The following MAPK8IP1 variants were observed in gnomAD, a reference collection of about 807,000 sequenced individuals.
The protein encoded by MAPK8IP1 is mitogen-activated protein kinase 8 interacting protein 1, also known as C-Jun-amino-terminal kinase-interacting protein 1.
Under a neutral mutation model 72.6 loss-of-function variants are expected in MAPK8IP1, and 17 were observed. The ratio of observed to expected loss-of-function variants is 0.23; its 90% CI spans 0.16 to 0.35. MAPK8IP1 has a LOEUF of 0.35. Ranked by LOEUF, MAPK8IP1 falls within the 10% of genes least tolerant of loss-of-function variation. The pLI is 1.00. For missense variants in MAPK8IP1, 789 were observed against 1,009.7 expected (o/e 0.78, Z 2.96); for synonymous variants, 401 against 443.4 (o/e 0.90, Z 1.20).
intron 1 of MAPK8IP1, among the ~76,000 whole-genome samples, chr11:45,886,178 G>C (rs1376639661): frequency 6.6e-6 from 1 of 152,242 alleles, no homozygotes; most frequent in Non-Finnish European, 1.5e-5. Flanking sequence ...GCTGGAATTG[G>C]AGGAGGGGGC....
intron 3 of MAPK8IP1, among the ~76,000 whole-genome samples, chr11:45,901,736 C>T (rs151231431): frequency 2.5e-4 from 38 of 152,316 alleles, no homozygotes; most frequent in African/African-American, 8.9e-4. Flanking sequence ...AAGAGCATCT[C>T]CCTGAGGGTT....
chr11:45,904,820 T>C lies in MAPK8IP1; in HGVS notation c.1879T>C (p.Ser627Pro). 6.2e-7 allele frequency: 1 copy of C among 1,613,926 alleles called. No individual in the cohort carries two copies. The highest frequency in any genetic ancestry group is 2.2e-5 in the East Asian group (1 of 44,880). The change falls in exon 9 of 12, where the codon TCC (serine) becomes CCC (proline). Residue 627 changes from serine to proline, a missense_variant. By Grantham distance (74) the Ser-to-Pro change is moderately conservative. Around this residue, in one of 4 missense-constraint regions of MAPK8IP1, gnomAD observed 188 missense variants for 293.3 expected, o/e 0.64. Coordinates refer to ENST00000241014, the MANE Select transcript of MAPK8IP1 (RefSeq NM_005456.4). The surrounding 1 kb of genome is among the most constrained non-coding windows in gnomAD (Gnocchi z 6.4). Reference sequence around the variant, plus strand: ...GAAGATAGGCGTCAAGGCCGATGACTCCCAGGAGGCCAAGGTGACTTCTTC... The same window carrying C: ...GAAGATAGGCGTCAAGGCCGATGACCCCCAGGAGGCCAAGGTGACTTCTTC... ...GVKIGVKADDSQEAKGNKCSH... is the reference protein window; with the variant it reads ...GVKIGVKADDPQEAKGNKCSH...
intron 11 of MAPK8IP1, 24 bp from the exon 12 acceptor site, chr11:45,905,625 A>G: frequency 6.2e-7 from 1 of 1,608,576 alleles, no homozygotes; most frequent in East Asian, 2.2e-5. Flanking sequence ...GATCTGAGCC[A>G]TCTGTGTGTC....
At position 45,900,108 on chromosome 11, in the gene MAPK8IP1, C is replaced by T. The variant is rs2086638485; in HGVS notation, c.208-30C>T. On this transcript the variant is annotated intron_variant, in intron 2 of 11. Transcript: ENST00000241014. This position sits in a 1 kb window ranked among gnomAD's most constrained non-coding sequence, Gnocchi z 6.5. ...CGGCCTCGGCCCCGCCCCGGCCCCG[C>T]CCCCTGACGCCCCTCCGTGCGCTGT... 3.4e-6 allele frequency: 4 copies of T among 1,192,402 alleles called. No individual in the cohort carries two copies. The highest frequency in any genetic ancestry group is 3.1e-6 in the Non-Finnish European group (3 of 961,998). 73.9% of individuals were successfully genotyped at this position (1,192,402 alleles called of 1,614,324 possible).
At chr11:45,905,409 C>T (rs963994087) in intron 11 of MAPK8IP1, among the ~76,000 whole-genome samples, 160 bp downstream of exon 11, 10 of 152,194 alleles carry the variant, frequency 6.6e-5, no homozygotes, top group African/African-American at 2.2e-4. Context: ...GAGGGTGGCG[C>T]GGCAGGGTGA....
chr11:45,896,675 G>C, intron 1 of MAPK8IP1: 2 of 1,406,090 alleles, frequency 1.4e-6, no homozygotes, highest in Non-Finnish European at 1.8e-6. Flanking sequence ...TGGGACCCGG[G>C]TCGGCAGCTG....
Position 45,902,499 on chromosome 11 carries a change from G to A in MAPK8IP1, c.732G>A (p.Gln244=), listed in dbSNP as rs150381568. 48 of 1,608,392 alleles carry A rather than the reference G, an allele frequency of 3.0e-5. No individual in the cohort carries two copies. The highest frequency in any genetic ancestry group is 3.9e-5 in the Non-Finnish European group (46 of 1,178,122). Residue 244 remains glutamine (Q), a synonymous_variant, in exon 5 of 12, where the codon CAG becomes CAA. Coordinates refer to ENST00000241014, the MANE Select transcript of MAPK8IP1 (RefSeq NM_005456.4). This position sits in a 1 kb window ranked among gnomAD's most constrained non-coding sequence, Gnocchi z 9.3. ...DSPCRRSTAT[Q]MAPPGGPPAA... ...CTTGCCGCCGCAGCACAGCCACCCA[G>A]ATGGCACCTCCGGGTGGTCCCCCTG...
intron 1 of MAPK8IP1, among the ~76,000 whole-genome samples, chr11:45,887,978 C>A (rs1424466631): frequency 1.3e-5 from 2 of 152,214 alleles, no homozygotes; most frequent in African/African-American, 4.8e-5. Context: ...ATCCAACTGG[C>A]CTGGGTTTGA....
chr11:45,897,784 A>T (rs746253595), intron 1 of MAPK8IP1, among the ~76,000 whole-genome samples: 1 of 152,216 alleles, frequency 6.6e-6, no homozygotes, highest in Non-Finnish European at 1.5e-5. Flanking sequence ...GGCTCTGACC[A>T]GTTGGGCCTT....
In MAPK8IP1 at chr11:45,902,722, C is replaced by A. The variant is rs755096743; in HGVS notation, c.955C>A (p.Pro319Thr). 6.2e-6 allele frequency: 10 copies of A among 1,608,108 alleles called. No individual in the cohort carries two copies. Among genetic ancestry groups the A allele is most frequent in the Non-Finnish European group, 8.5e-6 (10 of 1,179,522 alleles). The change falls in exon 5 of 12, where the codon CCC becomes ACC. Residue 319 changes from proline (P) to threonine (T), a missense_variant. Physicochemically the swap from Pro to Thr is conservative, Grantham distance 38 (BLOSUM62 -1). Around this residue, in one of 4 missense-constraint regions of MAPK8IP1, gnomAD observed 377 missense variants for 411.7 expected, o/e 0.92. Transcript: ENST00000241014. The surrounding 1 kb of genome is among the most constrained non-coding windows in gnomAD (Gnocchi z 9.3). ...VSSDPDPAAY[P>T]STAGRPHPSI... ...CTCCGATCCAGACCCTGCCGCCTACCCCTCCACGGCAGGGCGGCCGCACCC... is the reference window on the plus strand; with the variant it reads ...CTCCGATCCAGACCCTGCCGCCTACACCTCCACGGCAGGGCGGCCGCACCC...
At chr11:45,905,393 T>A in intron 11 of MAPK8IP1, 144 bp downstream of exon 11, 1 of 866,898 alleles carries the variant, frequency 1.2e-6, no homozygotes, top group Non-Finnish European at 1.9e-6. Context: ...GCGGGTGGCC[T>A]GGAGGGAGGG....
At chr11:45,897,072 G>C in intron 1 of MAPK8IP1, 1 of 1,029,498 alleles carries the variant, frequency 9.7e-7, no homozygotes, top group East Asian at 2.6e-5. Flanking sequence ...TTCCCCTGGG[G>C]GCTAAGCCAC....
At chr11:45,905,592 C>A in intron 11 of MAPK8IP1, 57 bp from the exon 12 acceptor site, 2 of 1,494,278 alleles carry the variant, frequency 1.3e-6, no homozygotes, top group South Asian at 2.3e-5. Flanking sequence ...GGGTCGGGAT[C>A]CTGTTCCTCC....
chr11:45,900,489 C>A lies in MAPK8IP1; in HGVS notation c.522+37C>A, dbSNP rs2086643687. The A allele has an allele frequency of 5.2e-6, 8 of 1,529,206 alleles. No individual in the cohort carries two copies. The highest frequency in any genetic ancestry group is 5.2e-6 in the Non-Finnish European group (6 of 1,144,016). The allele number at this position is 1,529,206 out of a possible 1,614,324, so 94.7% of individuals were successfully genotyped here. A position where few individuals can be genotyped will look rare whatever the true frequency, so the allele number is the denominator to read the frequency against. On this transcript the variant is annotated intron_variant, in intron 3 of 11. Coordinates refer to ENST00000241014, the MANE Select transcript of MAPK8IP1 (RefSeq NM_005456.4). This position sits in a 1 kb window ranked among gnomAD's most constrained non-coding sequence, Gnocchi z 6.5. ...ACGTGGGGGGCGGCGCCCTGGGCCGCCGCGGAGATGTGAGGGGGAGCGCAG... is the reference window on the plus strand; with the variant it reads ...ACGTGGGGGGCGGCGCCCTGGGCCGACGCGGAGATGTGAGGGGGAGCGCAG...
Position 45,905,120 on chromosome 11 carries a change from C to T in MAPK8IP1, c.1965-31C>T, listed in dbSNP as rs111382432. ...GGTGGGTGGGTGTGGGCCGAGCCCC[C>T]GTCCCAGCACAGACAGACCTGTCCC... On this transcript the variant is annotated intron_variant, in intron 10 of 11. Transcript: ENST00000241014. 5.4e-3 allele frequency: 8,677 copies of T among 1,611,324 alleles called. 285 individuals are homozygous for T. The African/African-American group carries it at 0.083, about 15-fold the overall frequency.
intron 1 of MAPK8IP1, chr11:45,896,422 A>C: frequency 1.5e-6 from 1 of 673,948 alleles, no homozygotes; most frequent in East Asian, 1.2e-4. Flanking sequence ...TTTAAAGCCA[A>C]CCAAGGGCTG....
In MAPK8IP1 at chr11:45,900,639, G is replaced by T. The variant is rs569253087; in HGVS notation, c.522+187G>T. 2.4e-4 allele frequency among the ~76,000 whole-genome samples: 36 copies of T among 152,356 alleles called. No individual in the cohort carries two copies. The highest frequency in any genetic ancestry group is 1.4e-3 in the East Asian group (7 of 5,184). ...GCGGGCAGAACCATCCTTACGAAGA[G>T]GGGGCTGAGTCCAGCTGGCCGGGCT... On this transcript the variant is annotated intron_variant, in intron 3 of 11. Transcript: ENST00000241014. The surrounding 1 kb of genome is among the most constrained non-coding windows in gnomAD (Gnocchi z 6.5).
In MAPK8IP1 at chr11:45,885,885, T is replaced by C; in HGVS notation, c.65T>C (p.Phe22Ser). 6.8e-7 allele frequency: 1 copy of C among 1,466,634 alleles called. No homozygotes were observed. Among genetic ancestry groups the C allele is most frequent in the Non-Finnish European group, 9.0e-7 (1 of 1,105,934 alleles). The allele number at this position is 1,466,634 out of a possible 1,614,324, so 90.9% of individuals were successfully genotyped here. Residue 22 changes from phenylalanine (F) to serine (S), a missense_variant, in exon 1 of 12, where the codon TTC becomes TCC. By Grantham distance (155) the Phe-to-Ser change is radical. Around this residue, in one of 4 missense-constraint regions of MAPK8IP1, gnomAD observed 112 missense variants for 111.8 expected, o/e 1.00. Transcript: ENST00000241014. ...GCGTCCCCGCCCGCCGCCTCCCCGT[T>C]CCTGGGGCTGCACATCGCTTCGCCT... is the stretch of plus-strand genomic sequence containing the variant. ...GAASPPAASPFLGLHIASPPN... is the reference protein window; with the variant it reads ...GAASPPAASPSLGLHIASPPN...
At chr11:45,896,744 A>G (rs1727726581) in intron 1 of MAPK8IP1, 4 of 1,472,936 alleles carry the variant, frequency 2.7e-6, no homozygotes, top group Non-Finnish European at 3.6e-6. Context: ...TGCAGCAGGC[A>G]GGACGCAGAA....
Sources: allele counts gnomAD v4.1 joint callset (sites outside exome capture counted in the v4.1 genomes callset), GRCh38; gene constraint gnomAD v4.1.1; regional missense constraint gnomAD v4.1.1; non-coding constraint Gnocchi (gnomAD v3.1); transcripts MANE v1.5; gene names NCBI Gene and HGNC (gene_info 2026-07-23, HGNC 2026-07-21).